Variants in KCNH1 observed in about 807,000 individuals in gnomAD.
The protein encoded by KCNH1 is voltage-gated delayed rectifier potassium channel KCNH1.
Under a neutral mutation model 69.2 loss-of-function variants are expected in KCNH1, and 27 were observed. That is an observed-to-expected ratio of 0.39 (90% confidence interval 0.29 to 0.54). The LOEUF is 0.54. Among genes scored for constraint, KCNH1 ranks in the 20% least tolerant of loss-of-function variants. The pLI, the probability that KCNH1 is intolerant of heterozygous loss-of-function variation, is 0.68. For missense variants in KCNH1, 798 were observed against 1,261.6 expected (o/e 0.63, Z 5.57); for synonymous variants, 456 against 487.7 (o/e 0.93, Z 0.86).
intron 10 of KCNH1, among the ~76,000 whole-genome samples, chr1:210,720,064 G>A (rs1435634043): frequency 6.6e-6 from 1 of 152,166 alleles, no homozygotes; most frequent in Non-Finnish European, 1.5e-5. Context: ...AGTACACTGG[G>A]AACATCTCTA....
chr1:211,072,594 G>A (rs938309798), intron 5 of KCNH1, among the ~76,000 whole-genome samples: 1 of 152,156 alleles, frequency 6.6e-6, no homozygotes. Context: ...AATGATACAA[G>A]GAATGAGAGG....
chr1:210,936,786 ATG>A (rs1468383760), intron 6 of KCNH1, among the ~76,000 whole-genome samples: 4 of 152,260 alleles, frequency 2.6e-5, no homozygotes, highest in African/African-American at 9.6e-5. Flanking sequence ...CTCATTGCCA[ATG>A]ATCTTTACCT....
At chr1:210,717,928 G>A (rs143905911) in intron 10 of KCNH1, among the ~76,000 whole-genome samples, 1,595 of 152,168 alleles carry the variant, frequency 0.01, 30 homozygotes, top group African/African-American at 0.037. Flanking sequence ...CCAACATAGT[G>A]AAACCCCATG....
At chr1:210,781,036 G>C (rs941686790) in intron 9 of KCNH1, among the ~76,000 whole-genome samples, 2 of 152,146 alleles carry the variant, frequency 1.3e-5, no homozygotes, top group African/African-American at 4.8e-5. Flanking sequence ...GACAGAGCGA[G>C]ACTCCGTTTC....
At chr1:210,728,474 A>G (rs1456459990) in intron 10 of KCNH1, among the ~76,000 whole-genome samples, 1 of 152,196 alleles carries the variant, frequency 6.6e-6, no homozygotes, top group African/African-American at 2.4e-5. Context: ...CAGTATAACA[A>G]TTACCAAACA....
chr1:211,123,899 T>G (rs749103605), intron 1 of KCNH1, among the ~76,000 whole-genome samples: 37 of 151,976 alleles, frequency 2.4e-4, no homozygotes, highest in Non-Finnish European at 3.7e-4. Context: ...ATGGTGTTAC[T>G]AGGGACACGT....
At chr1:211,130,436 A>T (rs1466500760) in intron 1 of KCNH1, among the ~76,000 whole-genome samples, 1 of 152,176 alleles carries the variant, frequency 6.6e-6, no homozygotes, top group Non-Finnish European at 1.5e-5. Context: ...CAACACTGTA[A>T]AATAGGGGCA....
rs1437528573 is a variant in KCNH1 at position 210,683,786 on chromosome 1, A to C, written c.2465T>G (p.Leu822Arg). 3 of 1,613,648 alleles carry C rather than the reference A, an allele frequency of 1.9e-6. No individual in the cohort carries two copies. ...AKLQAPGSEC[L>R]GPKGGGGDCA... ...ATCGCCCCCGCCCCCCTTGGGGCCC[A>C]GGCACTCGGACCCTGGCGCCTGTAG... Residue 822 changes from leucine (L) to arginine (R), a missense_variant, in exon 11 of 11, where the codon CTG becomes CGG. By Grantham distance (102) the Leu-to-Arg change is moderately radical (BLOSUM62 -2). Transcript: ENST00000271751. The surrounding 1 kb of genome is among the most constrained non-coding windows in gnomAD (Gnocchi z 5.7).
intron 7 of KCNH1, among the ~76,000 whole-genome samples, chr1:210,912,952 T>C (rs1687262563): frequency 6.6e-6 from 1 of 152,178 alleles, no homozygotes; most frequent in Non-Finnish European, 1.5e-5. Flanking sequence ...ACAAGAATGT[T>C]CACAGAGCAG....
At chr1:211,112,455 C>T (rs1691489491) in intron 1 of KCNH1, among the ~76,000 whole-genome samples, 1 of 151,428 alleles carries the variant, frequency 6.6e-6, no homozygotes, top group African/African-American at 2.4e-5. Context: ...TCTGCCCTCC[C>T]CAAGTTTGCA....
chr1:210,775,599 C>G, intron 9 of KCNH1, 55 bp from the exon 10 acceptor site: 1 of 1,417,430 alleles, frequency 7.1e-7, no homozygotes, highest in Non-Finnish European at 9.8e-7. Flanking sequence ...GTCTGCCCAT[C>G]CAGCTGGCTT....
chr1:210,815,230 A>G (rs1405176470), intron 7 of KCNH1, among the ~76,000 whole-genome samples: 2 of 152,194 alleles, frequency 1.3e-5, no homozygotes, highest in Non-Finnish European at 2.9e-5. Flanking sequence ...TTTATGCTAT[A>G]CCAATAAATA....
At chr1:210,933,025 C>T (rs1011827991) in intron 6 of KCNH1, among the ~76,000 whole-genome samples, 1 of 152,068 alleles carries the variant, frequency 6.6e-6, no homozygotes, top group African/African-American at 2.4e-5. Flanking sequence ...AGACATTTAC[C>T]CACATTTCAT....
intron 9 of KCNH1, among the ~76,000 whole-genome samples, chr1:210,784,492 T>C (rs1313140352): frequency 1.3e-5 from 2 of 152,146 alleles, no homozygotes; most frequent in Admixed American, 6.5e-5. Flanking sequence ...TCTTATCTGA[T>C]TGTGTTGGGG....
chr1:210,867,604 C>T (rs1686142679), intron 7 of KCNH1, among the ~76,000 whole-genome samples: 1 of 152,006 alleles, frequency 6.6e-6, no homozygotes, highest in African/African-American at 2.4e-5. Context: ...AATGTGACCA[C>T]CATATAACCA....
At position 210,683,343 on chromosome 1, in the gene KCNH1, A is replaced by G. The variant is rs1056940986; in HGVS notation, c.2908T>C (p.Leu970=). The part of the protein sequence containing the change: ...SRRSSQSPQE[L]FEISRPQSPE... ...GACTGTGGCCTCGATATTTCAAACA[A>G]CTCCTGAGGAGACTGAGAGGATCTT... Residue 970 remains leucine (L), a synonymous_variant, in exon 11 of 11, where the codon TTG becomes CTG. Transcript: ENST00000271751. The surrounding 1 kb of genome is among the most constrained non-coding windows in gnomAD (Gnocchi z 5.7). 1 of 1,613,426 alleles carries G rather than the reference A, an allele frequency of 6.2e-7. No individual in the cohort carries two copies.
At chr1:211,125,360 C>T (rs1691759387) in intron 1 of KCNH1, among the ~76,000 whole-genome samples, 1 of 152,170 alleles carries the variant, frequency 6.6e-6, no homozygotes, top group Non-Finnish European at 1.5e-5. Flanking sequence ...CACACAGAGG[C>T]TTAAAGCACA....
At chr1:211,111,098 A>C (rs565706173) in intron 1 of KCNH1, among the ~76,000 whole-genome samples, 1 of 152,324 alleles carries the variant, frequency 6.6e-6, no homozygotes, top group African/African-American at 2.4e-5. Context: ...TAATCATAAA[A>C]GATTAATTTA....
intron 7 of KCNH1, among the ~76,000 whole-genome samples, chr1:210,828,470 A>G (rs1033361388): frequency 1.3e-5 from 2 of 152,172 alleles, no homozygotes; most frequent in African/African-American, 4.8e-5. Context: ...CTTATTAGAC[A>G]CGCTATCATT....
Sources: allele counts gnomAD v4.1 joint callset (sites outside exome capture counted in the v4.1 genomes callset), GRCh38; gene constraint gnomAD v4.1.1; non-coding constraint Gnocchi (gnomAD v3.1); transcripts MANE v1.5; gene names NCBI Gene and HGNC (gene_info 2026-07-23, HGNC 2026-07-21).